Variants in VAV2 observed in about 807,000 individuals in gnomAD.
VAV2 encodes the protein vav guanine nucleotide exchange factor 2, also known as guanine nucleotide exchange factor VAV2.
Under a neutral mutation model 132.5 loss-of-function variants are expected in VAV2, and 67 were observed. That is an observed-to-expected ratio of 0.51 (90% CI 0.42 to 0.62). VAV2 has a LOEUF of 0.62. Ranked by LOEUF, VAV2 falls within the 20% of genes least tolerant of loss-of-function variation. The pLI, the probability that VAV2 is intolerant of heterozygous loss-of-function variation, is 0.00. For missense variants in VAV2, 938 were observed against 1,153.6 expected (o/e 0.81, Z 2.71); for synonymous variants, 492 against 443.5 (o/e 1.11, Z -1.37).
intron 2 of VAV2, among the ~76,000 whole-genome samples, chr9:133,901,872 A>G (rs1385734157): frequency 6.6e-6 from 1 of 152,178 alleles, no homozygotes; most frequent in African/African-American, 2.4e-5. Context: ...TGCCACCACC[A>G]TCGGAGGGGG....
intron 1 of VAV2, among the ~76,000 whole-genome samples, chr9:133,985,228 G>T (rs1402164796): frequency 7.1e-4 from 1 of 1,408 alleles, no homozygotes; most frequent in South Asian, 9.6e-3. Flanking sequence ...TTGCCTTATT[G>T]TGTGTGTGTG....
chr9:133,992,067 G>A lies in VAV2; in HGVS notation c.204+8C>T. On this transcript the variant is annotated splice_region_variant and intron_variant, in intron 1 of 29. Transcript: ENST00000371850. The surrounding 1 kb of genome is among the most constrained non-coding windows in gnomAD (Gnocchi z 5.5). ...TCCCCGGGGCCCTCCCGCCCGCCGG[G>A]CGCTCACCTGGGACATCTGCGGCCG... is the stretch of plus-strand genomic sequence containing the variant. The A allele has an allele frequency of 1.9e-6, 3 of 1,547,930 alleles. No individual in the cohort carries two copies. The highest frequency in any genetic ancestry group is 2.6e-6 in the Non-Finnish European group (3 of 1,148,498).
At chr9:133,987,442 T>A (rs1478575461) in intron 1 of VAV2, among the ~76,000 whole-genome samples, 3 of 152,110 alleles carry the variant, frequency 2.0e-5, no homozygotes, top group Non-Finnish European at 4.4e-5. Flanking sequence ...GGAGAGAAGG[T>A]CTTCCAGCAA....
At chr9:133,915,982 C>T (rs982416215) in intron 2 of VAV2, among the ~76,000 whole-genome samples, 12 of 151,134 alleles carry the variant, frequency 7.9e-5, no homozygotes, top group African/African-American at 2.2e-4. Flanking sequence ...CACACTCACA[C>T]GATGCACACA....
At chr9:133,911,057 A>G (rs1436936557) in intron 2 of VAV2, among the ~76,000 whole-genome samples, 1 of 152,122 alleles carries the variant, frequency 6.6e-6, no homozygotes, top group Admixed American at 6.5e-5. Flanking sequence ...GCCAGGCTAC[A>G]TGGGCTGCAG....
chr9:133,865,579 C>G (rs1243070138), intron 2 of VAV2, among the ~76,000 whole-genome samples: 1 of 152,062 alleles, frequency 6.6e-6, no homozygotes, highest in African/African-American at 2.4e-5. Context: ...CAAATTCCAT[C>G]TGTTCTTTTT....
intron 2 of VAV2, among the ~76,000 whole-genome samples, chr9:133,931,808 G>T (rs576755615): frequency 6.6e-6 from 1 of 152,314 alleles, no homozygotes; most frequent in African/African-American, 2.4e-5. Flanking sequence ...GGAGCTGGAC[G>T]GATCCCAATG....
intron 2 of VAV2, among the ~76,000 whole-genome samples, chr9:133,899,036 T>C (rs903628709): frequency 7.9e-5 from 12 of 152,020 alleles, no homozygotes; most frequent in Admixed American, 2.0e-4. Flanking sequence ...TTAGCCAGGA[T>C]GGTCTCGATC....
Position 133,928,949 on chromosome 9 carries a change from C to T in VAV2, c.321+10154G>A, listed in dbSNP as rs1040708238. On this transcript the variant is annotated intron_variant, in intron 2 of 29. Transcript: ENST00000371850. This position sits in a 1 kb window ranked among gnomAD's most constrained non-coding sequence, Gnocchi z 5.4. Reference sequence around the variant, plus strand: ...CAGGGTCATCACCCACGTGCTCAAACGCGGCTGGTACAATCACAGCACCAC... The same window carrying T: ...CAGGGTCATCACCCACGTGCTCAAATGCGGCTGGTACAATCACAGCACCAC... Among the ~76,000 whole-genome samples the T allele has an allele frequency of 6.6e-6, 1 of 152,152 alleles. No individual in the cohort carries two copies. Among genetic ancestry groups the T allele is most frequent in the African/African-American group, 2.4e-5 (1 of 41,422 alleles).
intron 2 of VAV2, among the ~76,000 whole-genome samples, chr9:133,930,283 A>C: frequency 8.2e-6 from 1 of 122,104 alleles, no homozygotes; most frequent in African/African-American, 3.3e-5. Flanking sequence ...CCCTGCCTCC[A>C]CCCTGCCTCC....
intron 2 of VAV2, among the ~76,000 whole-genome samples, chr9:133,872,340 G>C (rs559980267): frequency 3.5e-4 from 54 of 152,356 alleles, no homozygotes; most frequent in Non-Finnish European, 5.4e-4. Flanking sequence ...TGGCTGTGCT[G>C]GGTGGGTGAC....
intron 2 of VAV2, among the ~76,000 whole-genome samples, chr9:133,867,976 G>C (rs1837873318): frequency 6.6e-6 from 1 of 152,244 alleles, no homozygotes; most frequent in Non-Finnish European, 1.5e-5. Flanking sequence ...TGAGGTCTCG[G>C]GAAGAGTCCC....
chr9:133,982,937 G>C (rs192194786), intron 1 of VAV2, among the ~76,000 whole-genome samples: 7 of 152,292 alleles, frequency 4.6e-5, no homozygotes, highest in Admixed American at 3.3e-4. Flanking sequence ...GAGTTGCGTA[G>C]TCGTGACAGA....
At chr9:133,989,781 G>A (rs1303297994) in intron 1 of VAV2, among the ~76,000 whole-genome samples, 1 of 152,250 alleles carries the variant, frequency 6.6e-6, no homozygotes, top group Admixed American at 6.5e-5. Flanking sequence ...GCCAGATGCA[G>A]TAAAGTGGTT....
At chr9:133,892,217 G>A (rs1839006337) in intron 2 of VAV2, among the ~76,000 whole-genome samples, 1 of 146,320 alleles carries the variant, frequency 6.8e-6, no homozygotes. Flanking sequence ...GGGGAGGGGT[G>A]GGGATCAGCA....
At chr9:133,927,244 T>A (rs1294715626) in intron 2 of VAV2, among the ~76,000 whole-genome samples, 1 of 152,128 alleles carries the variant, frequency 6.6e-6, no homozygotes, top group Non-Finnish European at 1.5e-5. Flanking sequence ...CATGCTCTCA[T>A]ACCACACCCA....
chr9:133,810,264 G>C (rs1238157453), intron 5 of VAV2, 59 bp from the exon 6 acceptor site: 1 of 1,609,596 alleles, frequency 6.2e-7, no homozygotes, highest in Non-Finnish European at 8.5e-7. Context: ...ACACTGTCCT[G>C]GCAAGCTGGG....
At position 133,879,869 on chromosome 9, in the gene VAV2, A is replaced by G. The variant is rs1030028415; in HGVS notation, c.322-18437T>C. ...GGCCGCAGACGAAGCTCTGGCATCC[A>G]GATTTGCTTCCAAGCGGTTTTACCT... On this transcript the variant is annotated intron_variant, in intron 2 of 29. Transcript: ENST00000371850. This position sits in a 1 kb window ranked among gnomAD's most constrained non-coding sequence, Gnocchi z 4.4. Among the ~76,000 whole-genome samples, 2 of 152,244 alleles carry G rather than the reference A, an allele frequency of 1.3e-5. No homozygotes were observed. The highest frequency in any genetic ancestry group is 4.8e-5 in the African/African-American group (2 of 41,472).
At chr9:133,796,127 C>T (rs775905628) in intron 11 of VAV2, among the ~76,000 whole-genome samples, 57 of 152,350 alleles carry the variant, frequency 3.7e-4, no homozygotes, top group Non-Finnish European at 7.9e-4. Context: ...TCTGCCATGG[C>T]CACCAGGAAG....
Sources: allele counts gnomAD v4.1 joint callset (sites outside exome capture counted in the v4.1 genomes callset), GRCh38; gene constraint gnomAD v4.1.1; non-coding constraint Gnocchi (gnomAD v3.1); transcripts MANE v1.5; gene names NCBI Gene and HGNC (gene_info 2026-07-23, HGNC 2026-07-21).